The following EPM2A variants were observed in gnomAD, a reference collection of about 807,000 sequenced individuals.
EPM2A encodes EPM2A glucan phosphatase, laforin, also known as laforin.
EPM2A carries 21 observed loss-of-function variants against 26.5 expected under a neutral mutation model. The observed-to-expected ratio is 0.79, with a 90% CI of 0.56 to 1.14. The LOEUF (loss-of-function observed/expected upper bound fraction) is 1.14. Among genes scored for constraint, EPM2A ranks in the 50% most tolerant of loss-of-function variants. The pLI is 0.00. For missense variants in EPM2A, 458 were observed against 440.8 expected (o/e 1.04, Z -0.35); for synonymous variants, 217 against 177.6 (o/e 1.22, Z -1.76).
At chr6:145,616,863 C>A (rs554049562) in intron 2 of EPM2A, among the ~76,000 whole-genome samples, 5 of 152,318 alleles carry the variant, frequency 3.3e-5, no homozygotes, top group African/African-American at 1.2e-4. Flanking sequence ...ATGCCTGCAC[C>A]CCCATTGTAT....
chr6:145,468,631 T>C (rs1779431384), intron 4 of EPM2A, among the ~76,000 whole-genome samples: 1 of 85,174 alleles, frequency 1.2e-5, no homozygotes, highest in South Asian at 2.9e-4. Flanking sequence ...AAAAATCAAA[T>C]CAAAAAGATT....
rs530260476 is a variant in EPM2A at position 145,564,650 on chromosome 6, G to C, written c.341-62075C>G. Among the ~76,000 whole-genome samples the C allele has an allele frequency of 2.0e-5, 3 of 152,170 alleles. No individual in the cohort carries two copies. The South Asian group carries it at 6.2e-4, about 32-fold the overall frequency. ...TGGTTTATGTATAAATTAGGTGGCA[G>C]ATTTTTATGTAGGAACTCAAAGTAT... On this transcript the variant is annotated intron_variant, in intron 2 of 3. Coordinates refer to the EPM2A transcript ENST00000450221.
chr6:145,596,983 T>C (rs1015139084), intron 2 of EPM2A, among the ~76,000 whole-genome samples: 2 of 135,310 alleles, frequency 1.5e-5, no homozygotes, highest in African/African-American at 2.8e-5. Context: ...CAAGCTCCGC[T>C]TCCCGGGTTC....
At position 145,688,105 on chromosome 6, in the gene EPM2A, A is replaced by G. The variant is rs17725112; in HGVS notation, c.302-1809T>C. 4.1e-3 allele frequency among the ~76,000 whole-genome samples: 625 copies of G among 152,310 alleles called. 17 individuals are homozygous for G. In the East Asian group the frequency reaches 0.07, roughly 17 times the overall value. On this transcript the variant is annotated intron_variant, in intron 1 of 3. Transcript: ENST00000367519. Reference sequence around the variant, plus strand: ...ACAGGTACTGTGCTAGGTCATGTTAAGAACTCAGATATTTATCATAAGAGC... The same window carrying G: ...ACAGGTACTGTGCTAGGTCATGTTAGGAACTCAGATATTTATCATAAGAGC...
Position 145,626,739 on chromosome 6 carries a change from A to G in EPM2A, c.*677T>C. On this transcript the variant is annotated 3_prime_UTR_variant, in exon 4 of 4. Transcript: ENST00000367519. ...CTTCTTGACATCTCAACTATAAAAA[A>G]CAAGGGTATTTTTTGCTTTGTTTGG... The G allele has an allele frequency of 2.0e-6, 2 of 986,248 alleles. No individual in the cohort carries two copies. The highest frequency in any genetic ancestry group is 2.4e-6 in the Non-Finnish European group (2 of 830,550). The allele number at this position is 986,248 out of a possible 1,614,324, so 61.1% of individuals were successfully genotyped here. A position where few individuals can be genotyped will look rare whatever the true frequency, so the allele number is the denominator to read the frequency against.
At chr6:145,655,104 T>A (rs1188147483) in intron 2 of EPM2A, among the ~76,000 whole-genome samples, 1 of 152,076 alleles carries the variant, frequency 6.6e-6, no homozygotes, top group East Asian at 1.9e-4. Context: ...AAAACACATA[T>A]CATGCTTTGT....
At chr6:145,584,869 C>T (rs1335610032) in intron 2 of EPM2A, among the ~76,000 whole-genome samples, 3 of 152,182 alleles carry the variant, frequency 2.0e-5, no homozygotes, top group Admixed American at 6.5e-5. Flanking sequence ...ATGTCCTGGT[C>T]CCTCCATGGG....
At chr6:145,592,159 CCT>C in intron 2 of EPM2A, among the ~76,000 whole-genome samples, 1 of 104,588 alleles carries the variant, frequency 9.6e-6, no homozygotes, top group Non-Finnish European at 1.8e-5. Context: ...ATCCCTCCCC[CCT>C]CCCCCCACCC....
intron 4 of EPM2A, among the ~76,000 whole-genome samples, chr6:145,395,501 A>G (rs1778392907): frequency 1.3e-5 from 2 of 152,112 alleles, no homozygotes; most frequent in Non-Finnish European, 1.5e-5. Context: ...CCCTCATTAA[A>G]GCTTTAAATC....
chr6:145,730,570 G>C (rs1353488242), intron 1 of EPM2A, among the ~76,000 whole-genome samples: 1 of 152,174 alleles, frequency 6.6e-6, no homozygotes, highest in African/African-American at 2.4e-5. Context: ...CAAGACCTGA[G>C]AAAAGCAAAT....
At chr6:145,697,994 A>G (rs991944666) in intron 1 of EPM2A, among the ~76,000 whole-genome samples, 12 of 151,730 alleles carry the variant, frequency 7.9e-5, no homozygotes, top group Admixed American at 3.9e-4. Flanking sequence ...TGGGGAAGTG[A>G]TAAGTGTCCA....
chr6:145,503,561 G>C (rs1243170238), intron 2 of EPM2A, among the ~76,000 whole-genome samples: 1 of 86,652 alleles, frequency 1.2e-5, no homozygotes, highest in Admixed American at 1.2e-4. Flanking sequence ...TCTTCAAGGA[G>C]AACTACAAAC....
Position 145,625,477 on chromosome 6 carries a change from C to A in EPM2A, c.*1939G>T, listed in dbSNP as rs1582907487. 1.8e-6 allele frequency: 1 copy of A among 540,832 alleles called. No individual in the cohort carries two copies. Among genetic ancestry groups the A allele is most frequent in the Non-Finnish European group, 3.3e-6 (1 of 304,638 alleles). The allele number at this position is 540,832 out of a possible 1,614,324, so 33.5% of individuals were successfully genotyped here. On this transcript the variant is annotated 3_prime_UTR_variant, in exon 4 of 4. Coordinates refer to ENST00000367519, the MANE Select transcript of EPM2A (RefSeq NM_005670.4). ...GGTAAAAATCCACCTGAAAAAAGAT[C>A]TTTGTATCATGGAAATTATGAAGCT...
chr6:145,556,868 T>G (rs191923915), intron 2 of EPM2A, among the ~76,000 whole-genome samples: 284 of 152,264 alleles, frequency 1.9e-3, no homozygotes, highest in African/African-American at 6.4e-3. Context: ...GTTTGTAGTT[T>G]TATTTATTTG....
intron 1 of EPM2A, among the ~76,000 whole-genome samples, chr6:145,716,102 C>A (rs190995423): frequency 6.6e-6 from 1 of 152,166 alleles, no homozygotes; most frequent in African/African-American, 2.4e-5. Flanking sequence ...GCCAGCACAT[C>A]ACTCCACTCA....
At chr6:145,440,274 G>A (rs1779045164) in intron 4 of EPM2A, among the ~76,000 whole-genome samples, 1 of 152,168 alleles carries the variant, frequency 6.6e-6, no homozygotes, top group Non-Finnish European at 1.5e-5. Flanking sequence ...ATCAGATCTT[G>A]TGAGACTTGT....
At chr6:145,719,922 T>G (rs914346251) in intron 1 of EPM2A, among the ~76,000 whole-genome samples, 3 of 144,966 alleles carry the variant, frequency 2.1e-5, no homozygotes, top group East Asian at 4.1e-4. Flanking sequence ...AATACCAAAA[T>G]AACGATTTAA....
chr6:145,722,605 G>A (rs1286559513), intron 1 of EPM2A: 1 of 250,474 alleles, frequency 4.0e-6, no homozygotes, highest in Middle Eastern at 1.6e-3. Context: ...ATAATTTGGT[G>A]AATGAAGTAT....
chr6:145,601,922 T>G (rs1041828936), intron 2 of EPM2A, among the ~76,000 whole-genome samples: 2 of 152,184 alleles, frequency 1.3e-5, no homozygotes, highest in African/African-American at 4.8e-5. Flanking sequence ...ACAAAATATA[T>G]TTATTTAAAA....
Sources: allele counts gnomAD v4.1 joint callset (sites outside exome capture counted in the v4.1 genomes callset), GRCh38; gene constraint gnomAD v4.1.1; transcripts MANE v1.5; gene names NCBI Gene and HGNC (gene_info 2026-07-23, HGNC 2026-07-21).